PCDHA8: variants seen among roughly 807,000 people sequenced by gnomAD.
The protein encoded by PCDHA8 is protocadherin alpha 8.
A neutral mutation model predicts 61.8 loss-of-function variants in PCDHA8; 53 were observed. The observed-to-expected ratio is 0.86, with a 90% CI of 0.69 to 1.08. The LOEUF is 1.08. Ranked by LOEUF, PCDHA8 falls within the 50% of genes least tolerant of loss-of-function variation. The pLI is 0.00. For synonymous variants in PCDHA8, 618 were observed against 556.6 expected, an observed-to-expected ratio of 1.11 and a Z score of -1.55; for missense variants, 1,293 against 1,245.0, an observed-to-expected ratio of 1.04 and a Z score of -0.58.
At position 140,843,111 on chromosome 5, in the gene PCDHA8, T is replaced by TGAA. The variant is rs2150352902; in HGVS notation, c.1791_1792insAAG (p.Val597_Asp598insLys). 1 of 1,595,832 alleles carries TGAA rather than the reference T, an allele frequency of 6.3e-7. No individual in the cohort carries two copies. The highest frequency in any genetic ancestry group is 1.1e-5 in the South Asian group (1 of 90,508). ...CACGTGGTAGCGAAGGTGCGCGCAG[T>TGAA]GGACGCCGACTCGGGCTACAACGCG... On this transcript the variant is annotated inframe_insertion, in exon 1 of 4. Coordinates refer to ENST00000531613, the MANE Select transcript of PCDHA8 (RefSeq NM_018911.3).
intron 1 of PCDHA8, chr5:140,852,359 C>T (rs2042307858): frequency 1.5e-5 from 3 of 204,042 alleles, no homozygotes; most frequent in Non-Finnish European, 1.9e-5. Flanking sequence ...CTCACTGCAA[C>T]GTCTGCCTCC....
At chr5:140,850,974 GT>G in intron 1 of PCDHA8, 1 of 1,455,106 alleles carries the variant, frequency 6.9e-7, no homozygotes, top group Non-Finnish European at 9.2e-7. Flanking sequence ...CGTTCAAATA[GT>G]TTTATTCATT....
intron 1 of PCDHA8, chr5:140,927,691 G>C (rs782046420): frequency 6.2e-7 from 1 of 1,614,072 alleles, no homozygotes; most frequent in African/African-American, 1.3e-5. Flanking sequence ...GTCCAATGGG[G>C]AAGTCCAGTA....
intron 3 of PCDHA8, among the ~76,000 whole-genome samples, chr5:140,992,217 C>T (rs1281643880): frequency 6.6e-6 from 1 of 152,088 alleles, no homozygotes; most frequent in Non-Finnish European, 1.5e-5. Flanking sequence ...AACTACTCTC[C>T]CTTCCTGGGA....
intron 1 of PCDHA8, chr5:140,858,309 A>G (rs1276572732): frequency 7.5e-6 from 12 of 1,597,070 alleles, no homozygotes; most frequent in African/African-American, 1.3e-5. Context: ...CAGAGGCGGC[A>G]GAGGGTGTGT....
At chr5:140,891,963 A>C (rs1202145353) in intron 1 of PCDHA8, among the ~76,000 whole-genome samples, 1 of 152,214 alleles carries the variant, frequency 6.6e-6, no homozygotes, top group African/African-American at 2.4e-5. Flanking sequence ...TGTGAGAAGT[A>C]AATTTCCGTT....
chr5:140,887,803 C>T (rs2061589449), intron 1 of PCDHA8, among the ~76,000 whole-genome samples: 2 of 152,050 alleles, frequency 1.3e-5, no homozygotes, highest in Admixed American at 1.3e-4. Flanking sequence ...TTATTTTTGT[C>T]CATTTCTTTC....
chr5:140,871,393 C>T (rs782354799), intron 1 of PCDHA8: 1 of 1,614,130 alleles, frequency 6.2e-7, no homozygotes, highest in Non-Finnish European at 8.5e-7. Context: ...GGAGGGCCCA[C>T]CTAAGACGGA....
At chr5:140,864,300 T>C (rs889692315) in intron 1 of PCDHA8, 9 of 152,214 alleles carry the variant, frequency 5.9e-5, no homozygotes, top group Non-Finnish European at 1.2e-4. Flanking sequence ...TATTCAAAAA[T>C]ACCATGACAA....
At chr5:140,914,488 G>T (rs1437401245) in intron 1 of PCDHA8, among the ~76,000 whole-genome samples, 1 of 152,080 alleles carries the variant, frequency 6.6e-6, no homozygotes, top group Non-Finnish European at 1.5e-5. Flanking sequence ...AGTGTTTCTT[G>T]TGGGCAACAG....
intron 1 of PCDHA8, chr5:140,866,712 T>C (rs2049515311): frequency 6.6e-6 from 1 of 152,156 alleles, no homozygotes; most frequent in South Asian, 2.1e-4. Context: ...CGTGCACTAG[T>C]AAGACATTAA....
rs35184029 is a variant in PCDHA8 at position 140,997,668 on chromosome 5, T to TTGTG, written c.2543-11933_2543-11930dup. 2.7e-3 allele frequency among the ~76,000 whole-genome samples: 396 copies of TTGTG among 148,340 alleles called. 1 individual carries two copies. Among genetic ancestry groups the TTGTG allele is most frequent in the African/African-American group, 5.1e-3 (207 of 40,232 alleles). On this transcript the variant is annotated intron_variant, in intron 3 of 3. Transcript: ENST00000531613. ...AATGCAATATGTATTATTATACAGC[T>TTGTG]TGTGTGTGTGTGTGTGTGTGTGTGT...
chr5:140,876,674 A>T (rs782568001), intron 1 of PCDHA8: 38 of 1,614,024 alleles, frequency 2.4e-5, no homozygotes, highest in Non-Finnish European at 3.1e-5. Flanking sequence ...GTGTCCACCT[A>T]CAAGAATTAC....
Position 141,011,176 on chromosome 5 carries a change from A to G in PCDHA8, c.*1239A>G, listed in dbSNP as rs1198355681. On this transcript the variant is annotated 3_prime_UTR_variant, in exon 4 of 4. Coordinates refer to ENST00000531613, the MANE Select transcript of PCDHA8 (RefSeq NM_018911.3). The stretch of plus-strand genomic sequence containing the variant: ...ACCAACTATATATCAAGACCCAAAA[A>G]TTGAAGAAAAATATTGTTTTCTCAT... 1 of 153,724 alleles carries G rather than the reference A, an allele frequency of 6.5e-6. No homozygotes were observed. The highest frequency in any genetic ancestry group is 1.5e-5 in the Non-Finnish European group (1 of 68,024). The allele number at this position is 153,724 out of a possible 1,614,324, so 9.5% of individuals were successfully genotyped here.
At chr5:140,990,662 T>C (rs1554251660) in intron 3 of PCDHA8, among the ~76,000 whole-genome samples, 1 of 152,182 alleles carries the variant, frequency 6.6e-6, no homozygotes, top group African/African-American at 2.4e-5. Context: ...ATGATTTACA[T>C]TAGATGCACA....
chr5:140,971,184 A>C (rs1431296656), intron 1 of PCDHA8, among the ~76,000 whole-genome samples: 1 of 152,188 alleles, frequency 6.6e-6, no homozygotes, highest in African/African-American at 2.4e-5. Context: ...TGTAAGCCGG[A>C]AGCTCAGAGG....
At chr5:140,969,045 C>A (rs782611179) in intron 1 of PCDHA8, 1 of 1,614,090 alleles carries the variant, frequency 6.2e-7, no homozygotes, top group Admixed American at 1.7e-5. Context: ...TACAAACAAG[C>A]CAACAACAAT....
intron 1 of PCDHA8, among the ~76,000 whole-genome samples, chr5:140,976,450 C>T (rs2096717096): frequency 6.6e-6 from 1 of 152,040 alleles, no homozygotes; most frequent in South Asian, 2.1e-4. Flanking sequence ...ACTAGGGAGG[C>T]TGGGGAAGAA....
chr5:141,009,103 C>G (rs1440460108), intron 3 of PCDHA8, among the ~76,000 whole-genome samples: 1 of 152,170 alleles, frequency 6.6e-6, no homozygotes, highest in African/African-American at 2.4e-5. Flanking sequence ...ACATATGTTA[C>G]TATGAAACTA....
Sources: allele counts gnomAD v4.1 joint callset (sites outside exome capture counted in the v4.1 genomes callset), GRCh38; gene constraint gnomAD v4.1.1; transcripts MANE v1.5; gene names NCBI Gene and HGNC (gene_info 2026-07-23, HGNC 2026-07-21).